DCHS2: variants seen among roughly 807,000 people sequenced by gnomAD.
DCHS2 encodes protocadherin-23.
A neutral mutation model predicts 182.4 loss-of-function variants in DCHS2; 142 were observed. The ratio of observed to expected loss-of-function variants is 0.78; its 90% CI spans 0.68 to 0.89. The LOEUF (loss-of-function observed/expected upper bound fraction) is 0.89, where lower values mean the gene tolerates loss of function less well. Among genes scored for constraint, DCHS2 ranks in the 40% least tolerant of loss-of-function variants. The pLI is 0.00. For synonymous variants in DCHS2, 1,740 were observed against 1,663.3 expected, an observed-to-expected ratio of 1.05 and a Z score of -1.12; for missense variants, 4,319 against 4,198.6, an observed-to-expected ratio of 1.03 and a Z score of -0.79.
intron 1 of DCHS2, among the ~76,000 whole-genome samples, chr4:154,455,410 C>T (rs899657768): frequency 5.3e-5 from 8 of 152,206 alleles, no homozygotes; most frequent in African/African-American, 1.4e-4. Context: ...CTGTAAATTG[C>T]TTGGATCCTG....
At chr4:154,333,660 T>C (rs1333962949) in intron 4 of DCHS2, 166 bp from the exon 5 acceptor site, 1 of 716,650 alleles carries the variant, frequency 1.4e-6, no homozygotes, top group East Asian at 2.7e-5. Context: ...CGTATTTTAT[T>C]GTACCTTTTC....
At position 154,260,296 on chromosome 4, in the gene DCHS2, T is replaced by C. The variant is rs189204461; in HGVS notation, c.6578-540A>G. Among the ~76,000 whole-genome samples, 428 of 152,228 alleles carry C rather than the reference T, an allele frequency of 2.8e-3. 3 individuals carry two copies. The highest frequency in any genetic ancestry group is 9.4e-3 in the African/African-American group (392 of 41,534). ...CAAATATGTAGAGAGAAAGAAACTA[T>C]GAAATACCAAGACCTGGGAGCTATC... is the stretch of plus-strand genomic sequence containing the variant. On this transcript the variant is annotated intron_variant, in intron 14 of 19. Transcript: ENST00000357232.
intron 14 of DCHS2, among the ~76,000 whole-genome samples, chr4:154,260,873 G>A (rs1198044247): frequency 6.6e-6 from 1 of 152,102 alleles, no homozygotes; most frequent in Non-Finnish European, 1.5e-5. Context: ...TCATATAAAA[G>A]GCAGATCCAG....
chr4:154,305,056 T>G, intron 11 of DCHS2, 41 bp downstream of exon 11: 1 of 1,528,538 alleles, frequency 6.5e-7, no homozygotes, highest in Non-Finnish European at 8.7e-7. Flanking sequence ...TAAATTTAAT[T>G]TTTAATTTTT....
In DCHS2 at chr4:154,232,259, A is replaced by G. The variant is rs1001961329; in HGVS notation, c.*2277T>C. 8 of 152,164 alleles carry G rather than the reference A, an allele frequency of 5.3e-5. No individual in the cohort carries two copies. Among genetic ancestry groups the G allele is most frequent in the African/African-American group, 1.7e-4 (7 of 41,460 alleles). 9.4% of individuals were successfully genotyped at this position (152,164 alleles called of 1,614,324 possible). Reference sequence around the variant, plus strand: ...AAAAGCACTCTAGTTGAAAGAGCTGACATACGATTTATTGCAAACACTTAA... The same window carrying G: ...AAAAGCACTCTAGTTGAAAGAGCTGGCATACGATTTATTGCAAACACTTAA... On this transcript the variant is annotated 3_prime_UTR_variant, in exon 20 of 20. Transcript: ENST00000357232.
At chr4:154,488,902 CTGTGTGTGTG>C (rs35075104) in intron 1 of DCHS2, among the ~76,000 whole-genome samples, 47 of 62,306 alleles carry the variant, frequency 7.5e-4, no homozygotes, top group African/African-American at 1.2e-3. Context: ...GTGTGTGTGT[CTGTGTGTGTG>C]TGTGTGTGTG....
At chr4:154,412,477 C>T (rs78624063) in intron 1 of DCHS2, among the ~76,000 whole-genome samples, 1,996 of 152,162 alleles carry the variant, frequency 0.013, 21 homozygotes, top group Non-Finnish European at 0.022. Flanking sequence ...GGAAGGATAT[C>T]ACTCTGGACC....
At chr4:154,423,619 T>C (rs924678544) in intron 1 of DCHS2, among the ~76,000 whole-genome samples, 2 of 152,226 alleles carry the variant, frequency 1.3e-5, no homozygotes, top group Non-Finnish European at 2.9e-5. Context: ...GCTGAGCTTC[T>C]TTTCATCACT....
intron 12 of DCHS2, among the ~76,000 whole-genome samples, chr4:154,302,983 AT>A (rs1181161750): frequency 0.026 from 2,654 of 103,784 alleles, 162 homozygotes; most frequent in African/African-American, 0.083. Flanking sequence ...ACACACACAT[AT>A]TTTTTTTTTT....
chr4:154,314,803 A>T (rs1318139548), intron 10 of DCHS2, among the ~76,000 whole-genome samples: 1 of 152,028 alleles, frequency 6.6e-6, no homozygotes, highest in Non-Finnish European at 1.5e-5. Flanking sequence ...AAGGTGAACT[A>T]ACACGAATAG....
intron 1 of DCHS2, among the ~76,000 whole-genome samples, chr4:154,483,183 G>C (rs1176924052): frequency 1.3e-5 from 2 of 152,144 alleles, no homozygotes; most frequent in Non-Finnish European, 2.9e-5. Context: ...GGAAGGGTTA[G>C]TTTGGTGCAT....
chr4:154,441,627 A>T (rs200225360), intron 1 of DCHS2, among the ~76,000 whole-genome samples: 8 of 12,666 alleles, frequency 6.3e-4, no homozygotes, highest in African/African-American at 7.4e-4. Context: ...TCCCTGAATT[A>T]AAAAAAAAAA....
chr4:154,370,171 C>T (rs59051602), intron 2 of DCHS2, among the ~76,000 whole-genome samples: 2,058 of 152,116 alleles, frequency 0.014, 48 homozygotes, highest in African/African-American at 0.047. Flanking sequence ...AAAAAAGAAA[C>T]ATAAGTTGTG....
rs1459026948 is a variant in DCHS2, at chr4:154,235,464, A to T, written c.9188T>A (p.Val3063Asp). The change falls in exon 20 of 20, where the codon GTC becomes GAC. Residue 3063 changes from valine (V) to aspartate (D), a missense_variant. Physicochemically the swap from Val to Asp is radical, Grantham distance 152. Transcript: ENST00000357232. Reference protein sequence around the residue: ...QKTDDCSNEVVPVDATPEWLS... With the variant: ...QKTDDCSNEVDPVDATPEWLS... ...CCATTCCGGAGTGGCATCCACAGGGACCACCTCGTTACTGCAGTCGTCAGT... is the reference window on the plus strand; with the variant it reads ...CCATTCCGGAGTGGCATCCACAGGGTCCACCTCGTTACTGCAGTCGTCAGT... The T allele has an allele frequency of 6.2e-7, 1 of 1,613,980 alleles. No individual in the cohort carries two copies. The highest frequency in any genetic ancestry group is 8.5e-7 in the Non-Finnish European group (1 of 1,179,956).
At position 154,366,029 on chromosome 4, in the gene DCHS2, G is replaced by A. The variant is rs139400965; in HGVS notation, c.2476+181C>T. 4.0e-3 allele frequency among the ~76,000 whole-genome samples: 609 copies of A among 152,084 alleles called. 5 individuals are homozygous for A. Among genetic ancestry groups the A allele is most frequent in the African/African-American group, 0.014 (589 of 41,462 alleles). On this transcript the variant is annotated intron_variant, in intron 3 of 19. Coordinates refer to ENST00000357232, the MANE Select transcript of DCHS2 (RefSeq NM_001358235.2). ...AGGCAAAGCTGGGACTCAGATCCAG[G>A]TCTAACCCACTACAAAGCCTCAGCC... is the stretch of plus-strand genomic sequence containing the variant.
At chr4:154,434,194 G>A (rs553447176) in intron 1 of DCHS2, among the ~76,000 whole-genome samples, 1 of 152,320 alleles carries the variant, frequency 6.6e-6, no homozygotes, top group East Asian at 1.9e-4. Flanking sequence ...AATACTTTGG[G>A]AGGCTGAGGG....
rs754934733 is a variant in DCHS2, at chr4:154,255,652, C to T, written c.6808G>A (p.Asp2270Asn). ...TCAATCAGGCCGTTCAAACCACTGT[C>T]CAAGTCGGTAGCAAAAACCTGTGAG... ...HVIQVFATDL[D>N]SGLNGLIEYS... The change falls in exon 16 of 20, where the codon GAC becomes AAC. Residue 2270 changes from aspartate (D) to asparagine (N), a missense_variant. Coordinates refer to ENST00000357232, the MANE Select transcript of DCHS2 (RefSeq NM_001358235.2). The T allele has an allele frequency of 1.2e-6, 2 of 1,612,974 alleles. No homozygotes were observed. Among genetic ancestry groups the T allele is most frequent in the Non-Finnish European group, 1.7e-6 (2 of 1,179,538 alleles).
intron 1 of DCHS2, among the ~76,000 whole-genome samples, chr4:154,421,316 G>A (rs1041129761): frequency 6.6e-6 from 1 of 152,156 alleles, no homozygotes; most frequent in African/African-American, 2.4e-5. Flanking sequence ...CTTTATTAAA[G>A]AATCACTCCT....
chr4:154,291,667 CATT>C (rs1246339072), intron 13 of DCHS2, among the ~76,000 whole-genome samples: 1 of 152,054 alleles, frequency 6.6e-6, no homozygotes, highest in Non-Finnish European at 1.5e-5. Flanking sequence ...AACTGGAGGT[CATT>C]ATGTTAAGTG....
Sources: gnomAD v4.1 joint callset for allele counts (sites outside exome capture counted in the v4.1 genomes callset) on GRCh38, gnomAD v4.1.1 for gene constraint, MANE v1.5 for transcripts, NCBI Gene and HGNC (gene_info 2026-07-23, HGNC 2026-07-21) for gene names.